C14orf39: variants seen among roughly 807,000 people sequenced by gnomAD.
The protein encoded by C14orf39 is chromosome 14 open reading frame 39.
In C14orf39, 66 loss-of-function variants were observed where a neutral mutation model predicts 85.6. The ratio of observed to expected loss-of-function variants is 0.77; its 90% CI spans 0.63 to 0.95. C14orf39 has a LOEUF of 0.95. Ranked by LOEUF, C14orf39 falls within the 40% of genes least tolerant of loss-of-function variation. C14orf39 has a pLI of 0.00. For missense variants in C14orf39, 735 were observed against 663.9 expected (o/e 1.11, Z -1.18); for synonymous variants, 242 against 214.0 (o/e 1.13, Z -1.14).
intron 4 of C14orf39, among the ~76,000 whole-genome samples, chr14:60,482,375 T>C (rs1301001440): frequency 6.6e-6 from 1 of 152,192 alleles, no homozygotes; most frequent in African/African-American, 2.4e-5. Context: ...CACTGACAAT[T>C]CCAGTGTTGG....
chr14:60,458,645 G>C (rs761023819), intron 14 of C14orf39, 33 bp downstream of exon 14: 1 of 1,472,846 alleles, frequency 6.8e-7, no homozygotes, highest in Non-Finnish European at 9.4e-7. Context: ...TGGAATTTTT[G>C]CTTAGAAATT....
rs1890268359 is a variant in C14orf39, at chr14:60,436,793, A to T, written c.*52T>A. The T allele has an allele frequency of 5.0e-6, 6 of 1,204,064 alleles. No homozygotes were observed. Among genetic ancestry groups the T allele is most frequent in the Non-Finnish European group, 7.2e-6 (6 of 836,742 alleles). The allele number at this position is 1,204,064 out of a possible 1,614,324, so 74.6% of individuals were successfully genotyped here. On this transcript the variant is annotated 3_prime_UTR_variant, in exon 18 of 18. Transcript: ENST00000321731. The stretch of plus-strand genomic sequence containing the variant: ...ATGTTTTAAGCAATAATGTAAATTT[A>T]TGCCCTCATGAACACAGAACAGTAA...
intron 13 of C14orf39, among the ~76,000 whole-genome samples, chr14:60,460,909 C>T (rs1891492541): frequency 6.6e-6 from 1 of 151,570 alleles, no homozygotes; most frequent in African/African-American, 2.4e-5. Context: ...AAATATTCCA[C>T]ATGAAAGAAT....
chr14:60,471,545 T>G lies in C14orf39; in HGVS notation c.511+7A>C, dbSNP rs760661998. 5 of 1,588,642 alleles carry G rather than the reference T, an allele frequency of 3.1e-6. No individual in the cohort carries two copies. In the Admixed American group the frequency reaches 5.5e-5, roughly 17 times the overall value. On this transcript the variant is annotated splice_region_variant and intron_variant, in intron 6 of 17. Transcript: ENST00000321731. ...TAATTAAAACAATATAACAAAAATA[T>G]TAATACCTCGAAATTTCATAAAAAT... is the stretch of plus-strand genomic sequence containing the variant.
At chr14:60,477,943 G>T (rs1892460647) in intron 5 of C14orf39, among the ~76,000 whole-genome samples, 1 of 152,052 alleles carries the variant, frequency 6.6e-6, no homozygotes, top group African/African-American at 2.4e-5. Flanking sequence ...ACTTTGGAAG[G>T]CCGAGGCGGG....
At chr14:60,498,174 T>C (rs1164109857) in intron 2 of C14orf39, among the ~76,000 whole-genome samples, 1 of 152,266 alleles carries the variant, frequency 6.6e-6, no homozygotes, top group African/African-American at 2.4e-5. Flanking sequence ...TAATTTCTTA[T>C]ACAGATTTTG....
intron 10 of C14orf39, 126 bp downstream of exon 10, chr14:60,466,791 C>CT: frequency 3.3e-6 from 2 of 602,178 alleles, no homozygotes; most frequent in Non-Finnish European, 4.9e-6. Flanking sequence ...GCAGTACTCT[C>CT]TTGAGTTTAT....
At chr14:60,472,538 C>T (rs960679958) in intron 5 of C14orf39, among the ~76,000 whole-genome samples, 1 of 152,104 alleles carries the variant, frequency 6.6e-6, no homozygotes, top group Non-Finnish European at 1.5e-5. Flanking sequence ...TCTCCTAATG[C>T]TATCTCTCCC....
intron 1 of C14orf39, chr14:60,509,372 G>A: frequency 5.6e-6 from 9 of 1,594,490 alleles, no homozygotes; most frequent in Non-Finnish European, 7.7e-6. Flanking sequence ...CGGGCTCAGT[G>A]CCCTCGCCGC....
intron 16 of C14orf39, among the ~76,000 whole-genome samples, chr14:60,443,975 C>T (rs1290951283): frequency 6.6e-6 from 1 of 152,140 alleles, no homozygotes; most frequent in Non-Finnish European, 1.5e-5. Context: ...AGAAGGAAAA[C>T]TAACAAACAG....
intron 1 of C14orf39, among the ~76,000 whole-genome samples, chr14:60,504,118 G>A (rs1453617885): frequency 2.0e-5 from 3 of 152,210 alleles, no homozygotes; most frequent in Non-Finnish European, 4.4e-5. Flanking sequence ...CTGGAAGTGG[G>A]GAAACAGCGG....
At chr14:60,468,733 C>T (rs2140113450) in intron 8 of C14orf39, among the ~76,000 whole-genome samples, 197 bp from the exon 9 acceptor site, 1 of 151,600 alleles carries the variant, frequency 6.6e-6, no homozygotes, top group Non-Finnish European at 1.5e-5. Context: ...CCTTACAATT[C>T]CATTGGCAAA....
intron 5 of C14orf39, among the ~76,000 whole-genome samples, chr14:60,474,549 G>C (rs1046010093): frequency 6.6e-6 from 1 of 151,356 alleles, no homozygotes; most frequent in Non-Finnish European, 1.5e-5. Flanking sequence ...GTCATAAATA[G>C]CTCTTATTAT....
At chr14:60,448,912 C>A (rs1890907875) in intron 16 of C14orf39, among the ~76,000 whole-genome samples, 1 of 152,142 alleles carries the variant, frequency 6.6e-6, no homozygotes, top group Admixed American at 6.6e-5. Flanking sequence ...TGGAAACCAT[C>A]ATTCTCAGCA....
chr14:60,500,810 T>C (rs1459904236), intron 1 of C14orf39, among the ~76,000 whole-genome samples: 1 of 152,144 alleles, frequency 6.6e-6, no homozygotes, highest in African/African-American at 2.4e-5. Context: ...TGACTCTATA[T>C]AACCATAGTG....
chr14:60,469,687 A>C (rs756844219), intron 7 of C14orf39, 34 bp from the exon 8 acceptor site: 12 of 900,290 alleles, frequency 1.3e-5, no homozygotes, highest in Non-Finnish European at 1.7e-5. Context: ...CATATAAGTA[A>C]ATTTTATATT....
chr14:60,513,407 T>C (rs928940831), intron 1 of C14orf39, among the ~76,000 whole-genome samples: 2 of 152,180 alleles, frequency 1.3e-5, no homozygotes, highest in Non-Finnish European at 2.9e-5. Flanking sequence ...CGGTCAAGGT[T>C]ATGCAAGTGC....
At chr14:60,502,175 C>T (rs1248562266) in intron 1 of C14orf39, among the ~76,000 whole-genome samples, 1 of 152,160 alleles carries the variant, frequency 6.6e-6, no homozygotes, top group Non-Finnish European at 1.5e-5. Context: ...CCCCATCCTC[C>T]CATCTACCTT....
chr14:60,450,037 G>C (rs1396983847), intron 16 of C14orf39, among the ~76,000 whole-genome samples: 1 of 152,238 alleles, frequency 6.6e-6, no homozygotes, highest in Non-Finnish European at 1.5e-5. Context: ...TACTCAGGTA[G>C]TATGCTGTGG....
Sources: gnomAD v4.1 joint callset for allele counts (sites outside exome capture counted in the v4.1 genomes callset) on GRCh38, gnomAD v4.1.1 for gene constraint, MANE v1.5 for transcripts, NCBI Gene and HGNC (gene_info 2026-07-23, HGNC 2026-07-21) for gene names.